The following NRCAM variants were observed in gnomAD, a reference collection of about 807,000 sequenced individuals.
The protein encoded by NRCAM is NgCAM-related cell adhesion molecule.
In NRCAM, 83 loss-of-function variants were observed where a neutral mutation model predicts 156.5. That is an observed-to-expected ratio of 0.53 (90% CI 0.44 to 0.64). The LOEUF is 0.64. Ranked by LOEUF, NRCAM falls within the 30% of genes least tolerant of loss-of-function variation. The pLI, the probability that NRCAM is intolerant of heterozygous loss-of-function variation, is 0.00. For missense variants in NRCAM, 1,417 were observed against 1,597.3 expected (o/e 0.89, Z 1.92); for synonymous variants, 538 against 563.9 (o/e 0.95, Z 0.65).
intron 2 of NRCAM, among the ~76,000 whole-genome samples, chr7:108,390,486 G>T (rs1199882680): frequency 6.6e-6 from 1 of 151,902 alleles, no homozygotes; most frequent in Admixed American, 6.6e-5. Context: ...AGTCTTGCTA[G>T]CAGTCTATCA....
chr7:108,296,272 C>T (rs1353456774), intron 3 of NRCAM, among the ~76,000 whole-genome samples: 3 of 152,146 alleles, frequency 2.0e-5, no homozygotes, highest in Non-Finnish European at 4.4e-5. Context: ...CAATCGTGCA[C>T]ATTTTCTTAC....
chr7:108,150,137 C>G lies in NRCAM; in HGVS notation c.3688G>C (p.Asp1230His), dbSNP rs2040385801. The G allele has an allele frequency of 6.3e-7, 1 of 1,596,922 alleles. No individual in the cohort carries two copies. The highest frequency in any genetic ancestry group is 8.5e-7 in the Non-Finnish European group (1 of 1,175,666). Residue 1230 changes from aspartate (D) to histidine (H), a missense_variant, in exon 33 of 33, where the codon GAC becomes CAC. Transcript: ENST00000379028. ...GTFGEYSDAE[D>H]HKPLKKGSRT... is the part of the protein sequence containing the mutation. ...CTTCCTTTTTTCAAAGGCTTGTGGT[C>G]TTCTGCATCACTGGAAGAAAGAGAA...
chr7:108,255,285 G>A (rs990229115), intron 3 of NRCAM, among the ~76,000 whole-genome samples: 3 of 151,688 alleles, frequency 2.0e-5, no homozygotes, highest in Non-Finnish European at 4.4e-5. Flanking sequence ...TCCTGCCTCA[G>A]CCTGCCGAGT....
chr7:108,175,398 G>C (rs1476503868), intron 27 of NRCAM, 41 bp from the exon 28 acceptor site: 2 of 1,501,330 alleles, frequency 1.3e-6, no homozygotes, highest in Non-Finnish European at 1.8e-6. Flanking sequence ...TATATAGTTA[G>C]ATGTAACACA....
chr7:108,152,448 TTAAG>T (rs2042232815), intron 32 of NRCAM, among the ~76,000 whole-genome samples: 1 of 148,474 alleles, frequency 6.7e-6, no homozygotes, highest in Non-Finnish European at 1.5e-5. Flanking sequence ...AAAGTAGGAG[TTAAG>T]TAAGGGGAGT....
chr7:108,164,074 C>T (rs1461886827), intron 30 of NRCAM, among the ~76,000 whole-genome samples: 1 of 49,932 alleles, frequency 2.0e-5, no homozygotes, highest in Non-Finnish European at 3.3e-5. Flanking sequence ...GAGGTCATAC[C>T]AGGTGGGGTG....
chr7:108,313,493 A>G (rs1037541605), intron 2 of NRCAM, among the ~76,000 whole-genome samples: 4 of 152,202 alleles, frequency 2.6e-5, no homozygotes, highest in African/African-American at 9.7e-5. Context: ...CCCTTCAGAG[A>G]AGAGAAACAA....
At chr7:108,296,018 C>T (rs111488004) in intron 3 of NRCAM, among the ~76,000 whole-genome samples, 34 of 152,272 alleles carry the variant, frequency 2.2e-4, no homozygotes, top group African/African-American at 8.2e-4. Context: ...GCGGAGAGTT[C>T]CCAGAGGGTG....
At chr7:108,415,321 C>A (rs1288959377) in intron 1 of NRCAM, among the ~76,000 whole-genome samples, 1 of 152,188 alleles carries the variant, frequency 6.6e-6, no homozygotes, top group Non-Finnish European at 1.5e-5. Flanking sequence ...AGCCCTGTGG[C>A]CGCACGTCTA....
intron 3 of NRCAM, among the ~76,000 whole-genome samples, chr7:108,265,754 G>A (rs1236579204): frequency 1.3e-5 from 2 of 152,232 alleles, no homozygotes; most frequent in Non-Finnish European, 2.9e-5. Context: ...TTTCACAGAT[G>A]CTTCCAGAAT....
intron 11 of NRCAM, among the ~76,000 whole-genome samples, chr7:108,219,226 C>CA (rs370690681): frequency 0.032 from 4,867 of 151,268 alleles, 267 homozygotes; most frequent in African/African-American, 0.11. Flanking sequence ...AAAAAATTAC[C>CA]AAAAAAAAGT....
chr7:108,185,735 GAAAAAAA>G (rs34028548), intron 20 of NRCAM, among the ~76,000 whole-genome samples: 1 of 128,496 alleles, frequency 7.8e-6, no homozygotes, highest in Non-Finnish European at 1.6e-5. Flanking sequence ...AGAGAGAGAG[GAAAAAAA>G]AAAAAAAAGA....
At chr7:108,375,416 G>C (rs532536084) in intron 2 of NRCAM, among the ~76,000 whole-genome samples, 1 of 152,086 alleles carries the variant, frequency 6.6e-6, no homozygotes, top group Non-Finnish European at 1.5e-5. Context: ...ATTCATCCGC[G>C]TGATGGATGT....
intron 2 of NRCAM, among the ~76,000 whole-genome samples, chr7:108,359,257 G>A (rs755256791): frequency 8.5e-5 from 13 of 152,116 alleles, no homozygotes; most frequent in Admixed American, 1.3e-4. Context: ...TAATGTAACC[G>A]AAGTGGGAAT....
At chr7:108,333,180 T>C (rs1165410941) in intron 2 of NRCAM, among the ~76,000 whole-genome samples, 1 of 152,208 alleles carries the variant, frequency 6.6e-6, no homozygotes, top group Non-Finnish European at 1.5e-5. Context: ...TCCATTGCTA[T>C]AGCAATAATC....
intron 26 of NRCAM, 25 bp from the exon 27 acceptor site, chr7:108,176,631 G>T: frequency 1.3e-6 from 2 of 1,561,930 alleles, no homozygotes; most frequent in Non-Finnish European, 1.8e-6. Flanking sequence ...TAATGAACAA[G>T]TGCATTCTCC....
chr7:108,257,783 A>C (rs558891591), intron 3 of NRCAM, among the ~76,000 whole-genome samples: 1 of 152,228 alleles, frequency 6.6e-6, no homozygotes, highest in South Asian at 2.1e-4. Flanking sequence ...CATAACCTTG[A>C]TTTCAAATCA....
chr7:108,289,280 T>C (rs2098210452), intron 3 of NRCAM, among the ~76,000 whole-genome samples: 3 of 152,100 alleles, frequency 2.0e-5, no homozygotes, highest in Admixed American at 2.0e-4. Context: ...TGACACAAAA[T>C]TGTGTATATT....
intron 3 of NRCAM, among the ~76,000 whole-genome samples, chr7:108,250,843 C>T (rs984395889): frequency 1.3e-5 from 2 of 151,970 alleles, no homozygotes; most frequent in African/African-American, 4.8e-5. Flanking sequence ...CATTGGATGC[C>T]TCTATCAAAT....
Sources: allele counts gnomAD v4.1 joint callset (sites outside exome capture counted in the v4.1 genomes callset), GRCh38; gene constraint gnomAD v4.1.1; transcripts MANE v1.5; gene names NCBI Gene and HGNC (gene_info 2026-07-23, HGNC 2026-07-21).